SRFBP1: variants seen among roughly 807,000 people sequenced by gnomAD.
SRFBP1 encodes serum response factor binding protein 1, also known as serum response factor-binding protein 1.
SRFBP1 carries 47 observed loss-of-function variants against 45.5 expected under a neutral mutation model. That is an observed-to-expected ratio of 1.03 (90% CI 0.82 to 1.32). The LOEUF (loss-of-function observed/expected upper bound fraction) is 1.32. SRFBP1 is among the 40% of genes most tolerant of loss of function. The pLI is 0.00. For missense variants in SRFBP1, 621 were observed against 484.6 expected (o/e 1.28, Z -2.64); for synonymous variants, 203 against 166.3 (o/e 1.22, Z -1.70).
downstream of SRFBP1, chr5:122,077,248 C>A (rs560527992): frequency 2.9e-5 from 45 of 1,532,778 alleles, no homozygotes; most frequent in East Asian, 1.0e-3. The surrounding 1 kb of genome is among the most constrained non-coding windows in gnomAD (Gnocchi z 4.9). Context: ...GGGGAGGGAT[C>A]GGATCTGCGA....
chr5:122,052,684 G>A (rs1289179178), intron 2 of SRFBP1, among the ~76,000 whole-genome samples: 2 of 152,066 alleles, frequency 1.3e-5, no homozygotes, highest in East Asian at 3.9e-4. Flanking sequence ...CTTGGATTGA[G>A]TTTCGACATT....
At chr5:122,042,850 G>A (rs896944675) in intron 2 of SRFBP1, among the ~76,000 whole-genome samples, 3 of 152,012 alleles carry the variant, frequency 2.0e-5, no homozygotes, top group African/African-American at 7.2e-5. Context: ...TAAAGTTAAA[G>A]GTATGTATTT....
intron 3 of SRFBP1, among the ~76,000 whole-genome samples, chr5:121,980,913 G>A (rs769617424): frequency 2.0e-5 from 3 of 152,076 alleles, no homozygotes; most frequent in Non-Finnish European, 4.4e-5. Flanking sequence ...AAAGTATCCT[G>A]AATTCATTCT....
At chr5:122,070,734 G>T (rs972711103) in intron 2 of SRFBP1, 4 of 528,296 alleles carry the variant, frequency 7.6e-6, no homozygotes, top group African/African-American at 1.9e-5. Context: ...TCTCCCTTGA[G>T]AAGTATTTAT....
intron 2 of SRFBP1, among the ~76,000 whole-genome samples, chr5:122,033,715 T>A (rs1308415672): frequency 1.3e-5 from 2 of 151,698 alleles, no homozygotes; most frequent in Non-Finnish European, 2.9e-5. Flanking sequence ...TGCCTCAGAC[T>A]CCCAGAGCGC....
intron 4 of SRFBP1, among the ~76,000 whole-genome samples, chr5:122,005,216 T>A (rs1752951346): frequency 6.6e-6 from 1 of 152,182 alleles, no homozygotes; most frequent in African/African-American, 2.4e-5. Context: ...TCTGCCTCGA[T>A]GACCTGTGCA....
intron 1 of SRFBP1, among the ~76,000 whole-genome samples, chr5:121,969,125 A>C (rs1481675901): frequency 1.3e-5 from 2 of 152,164 alleles, no homozygotes; most frequent in Non-Finnish European, 2.9e-5. Flanking sequence ...TCACCCCAGA[A>C]ATAGAGCTCA....
At chr5:121,995,402 T>C (rs2112676370) in intron 4 of SRFBP1, among the ~76,000 whole-genome samples, 1 of 152,222 alleles carries the variant, frequency 6.6e-6, no homozygotes, top group South Asian at 2.1e-4. Flanking sequence ...AACAACCTGC[T>C]CCTGAATGAC....
At chr5:121,999,266 C>T (rs760199276) in intron 4 of SRFBP1, among the ~76,000 whole-genome samples, 4 of 152,012 alleles carry the variant, frequency 2.6e-5, no homozygotes, top group Admixed American at 6.6e-5. Context: ...ATTTCCAGAC[C>T]GTTAGGGGTT....
intron 2 of SRFBP1, among the ~76,000 whole-genome samples, chr5:122,055,114 G>A (rs879296533): frequency 1.3e-5 from 2 of 152,084 alleles, no homozygotes; most frequent in Admixed American, 6.5e-5. Context: ...TCTTTTTCAC[G>A]GTTCTGGAGG....
At chr5:121,973,542 G>A (rs1394750546) in intron 1 of SRFBP1, among the ~76,000 whole-genome samples, 1 of 147,976 alleles carries the variant, frequency 6.8e-6, no homozygotes, top group Non-Finnish European at 1.5e-5. Flanking sequence ...TCTGCTTTTT[G>A]TTCTTAGAGT....
rs544967694 is a variant in SRFBP1, at chr5:122,019,291, C to A, written c.302C>A (p.Ala101Asp). ...PDSTATERAI[A>D]RLAVHPLLKK... is the part of the protein sequence containing the mutation. Reference sequence around the variant, plus strand: ...TCTACTGCAACTGAAAGAGCAATTGCCAGACTAGCAGTACATCCTCTTCTG... The same window carrying A: ...TCTACTGCAACTGAAAGAGCAATTGACAGACTAGCAGTACATCCTCTTCTG... The change falls in exon 5 of 8, where the codon GCC becomes GAC. Residue 101 changes from alanine to aspartate, a missense_variant. Transcript: ENST00000339397. The A allele has an allele frequency of 5.7e-5, 92 of 1,612,254 alleles. No individual in the cohort carries two copies. Among genetic ancestry groups the A allele is most frequent in the Admixed American group, 1.8e-4 (11 of 59,842 alleles).
At chr5:122,050,209 CTTTGT>C (rs973666323) in intron 2 of SRFBP1, among the ~76,000 whole-genome samples, 4 of 151,934 alleles carry the variant, frequency 2.6e-5, no homozygotes, top group African/African-American at 9.7e-5. Flanking sequence ...AGTTTTCTTT[CTTTGT>C]TTTTTCTCTG....
intron 6 of SRFBP1, among the ~76,000 whole-genome samples, chr5:122,021,864 T>C (rs1753331714): frequency 6.6e-6 from 1 of 151,418 alleles, no homozygotes; most frequent in Non-Finnish European, 1.5e-5. Flanking sequence ...TTTTTTGTTT[T>C]GTTTTGTTTT....
chr5:121,993,734 A>C lies in SRFBP1; in HGVS notation c.199-865A>C, dbSNP rs1207141852. ...AATAACCACTTTAAATGCTTTTCAT[A>C]AGTTTTGATATGTAGCATTTTCTTA... is the stretch of plus-strand genomic sequence containing the variant. On this transcript the variant is annotated intron_variant, in intron 3 of 7. Coordinates refer to ENST00000339397, the MANE Select transcript of SRFBP1 (RefSeq NM_152546.3). 2.0e-5 allele frequency among the ~76,000 whole-genome samples: 3 copies of C among 152,112 alleles called. No homozygotes were observed. In the East Asian group the frequency reaches 5.8e-4, roughly 29 times the overall value.
intron 3 of SRFBP1, among the ~76,000 whole-genome samples, chr5:121,987,380 CTA>C (rs1371034219): frequency 2.0e-5 from 3 of 152,198 alleles, no homozygotes; most frequent in East Asian, 3.9e-4. Context: ...GAAAAAAAAT[CTA>C]TTGGCAATAT....
At chr5:122,008,599 A>G (rs925442741) in intron 4 of SRFBP1, among the ~76,000 whole-genome samples, 1 of 151,514 alleles carries the variant, frequency 6.6e-6, no homozygotes, top group Admixed American at 6.6e-5. Context: ...CTTTTTTTCT[A>G]ATTTCTGTGC....
rs765767494 is a variant in SRFBP1, at chr5:121,962,018, A to G, written c.-15A>G. 26 of 1,601,326 alleles carry G rather than the reference A, an allele frequency of 1.6e-5. No homozygotes were observed. The East Asian group carries it at 4.9e-4, about 30-fold the overall frequency. On this transcript the variant is annotated 5_prime_UTR_variant, in exon 1 of 8. The change creates a new upstream start codon in the 5' untranslated region. Transcript: ENST00000339397. ...TCACGTGCAGGCAGCGGCGGATCAT[A>G]TTCCTTCATCTACCATGGCTCAGCC...
chr5:122,049,473 A>G (rs1375573346), intron 2 of SRFBP1, among the ~76,000 whole-genome samples: 1 of 152,188 alleles, frequency 6.6e-6, no homozygotes, highest in African/African-American at 2.4e-5. Context: ...TCAACGAGAC[A>G]GAAAGTTAAC....
Sources: gnomAD v4.1 joint callset for allele counts (sites outside exome capture counted in the v4.1 genomes callset) on GRCh38, gnomAD v4.1.1 for gene constraint, Gnocchi (gnomAD v3.1) non-coding constraint, MANE v1.5 for transcripts, NCBI Gene and HGNC (gene_info 2026-07-23, HGNC 2026-07-21) for gene names.